Variants in FLI1 observed in about 807,000 individuals in gnomAD.
FLI1 encodes Fli-1 proto-oncogene, ETS transcription factor.
A neutral mutation model predicts 53.1 loss-of-function variants in FLI1; 13 were observed. The ratio of observed to expected loss-of-function variants is 0.24; its 90% CI spans 0.16 to 0.39. The LOEUF is 0.39. Among genes scored for constraint, FLI1 ranks in the 10% least tolerant of loss-of-function variants. The probability of loss-of-function intolerance (pLI) is 1.00; values close to 1 mark genes in which losing one functional copy is unlikely to be tolerated. For synonymous variants in FLI1, 244 were observed against 236.7 expected (o/e 1.03, Z -0.28); for missense variants, 424 against 600.5 (o/e 0.71, Z 3.07).
At chr11:128,715,800 A>G (rs1340987501) in intron 1 of FLI1, among the ~76,000 whole-genome samples, 1 of 152,240 alleles carries the variant, frequency 6.6e-6, no homozygotes, top group Admixed American at 6.5e-5. Context: ...ACGAGTCCTG[A>G]GCATGCTGGG....
At chr11:128,740,908 T>C (rs1377330110) in intron 1 of FLI1, among the ~76,000 whole-genome samples, 1 of 151,846 alleles carries the variant, frequency 6.6e-6, no homozygotes, top group Non-Finnish European at 1.5e-5. Context: ...GGTGGAGAGA[T>C]GAGGAAGGAG....
chr11:128,781,537 GA>G (rs959434029), intron 4 of FLI1, among the ~76,000 whole-genome samples: 8 of 151,890 alleles, frequency 5.3e-5, no homozygotes, highest in East Asian at 1.9e-4. Context: ...TCTAGTTCAA[GA>G]AAAAAAATCA....
chr11:128,698,731 TGTGAGA>T lies in FLI1; in HGVS notation c.18+4457_18+4462del, dbSNP rs58656517. Among the ~76,000 whole-genome samples the T allele has an allele frequency of 3.1e-3, 352 of 112,578 alleles. 2 individuals carry two copies. Among genetic ancestry groups the T allele is most frequent in the African/African-American group, 0.01 (336 of 33,388 alleles). The allele number at this position is 112,578 out of a possible 152,430, so 73.9% of individuals were successfully genotyped here. On this transcript the variant is annotated intron_variant, in intron 1 of 8. Coordinates refer to ENST00000527786, the MANE Select transcript of FLI1 (RefSeq NM_002017.5). Reference sequence around the variant, plus strand: ...GTTTGCGTGTGTGTGTGTGTGTGTGTGTGAGAGAGAGAGAGAGAGAGAGAAGTCTTT... The same window carrying T: ...GTTTGCGTGTGTGTGTGTGTGTGTGTGAGAGAGAGAGAGAGAGAAGTCTTT...
rs545395646 is a variant in FLI1, at chr11:128,709,084, T to C, written c.18+14808T>C. On this transcript the variant is annotated intron_variant, in intron 1 of 8. Coordinates refer to ENST00000527786, the MANE Select transcript of FLI1 (RefSeq NM_002017.5). The stretch of plus-strand genomic sequence containing the variant: ...ACATGCAGTCTGAAGTTTGGAAATC[T>C]AGGTTCAGACCCACTTATTAATTGT... 5.3e-5 allele frequency among the ~76,000 whole-genome samples: 8 copies of C among 152,336 alleles called. No individual in the cohort carries two copies. The South Asian group carries it at 6.2e-4, about 12-fold the overall frequency.
chr11:128,712,825 T>C (rs1938842938), intron 1 of FLI1, among the ~76,000 whole-genome samples: 1 of 152,174 alleles, frequency 6.6e-6, no homozygotes. Context: ...ATCTATATCC[T>C]TGATATCCTG....
chr11:128,778,916 C>A (rs944554838), intron 4 of FLI1, among the ~76,000 whole-genome samples: 1 of 152,308 alleles, frequency 6.6e-6, no homozygotes, highest in Admixed American at 6.5e-5. Flanking sequence ...AAGTAGAAAT[C>A]GGAGAAGAGG....
rs373769672 is a variant in FLI1 at position 128,713,714 on chromosome 11, C to A, written c.18+19438C>A. On this transcript the variant is annotated intron_variant, in intron 1 of 8. Transcript: ENST00000527786. The stretch of plus-strand genomic sequence containing the variant: ...CCTCGGGAGGGCACAACGTGGGGAC[C>A]TAACCTAGTCTCAGAGGTCAAAGGC... Among the ~76,000 whole-genome samples the A allele has an allele frequency of 3.9e-5, 6 of 152,096 alleles. No individual in the cohort carries two copies. In the East Asian group the frequency reaches 5.8e-4, roughly 15 times the overall value.
At chr11:128,708,444 C>T (rs1399910258) in intron 1 of FLI1, among the ~76,000 whole-genome samples, 1 of 152,174 alleles carries the variant, frequency 6.6e-6, no homozygotes, top group Non-Finnish European at 1.5e-5. Context: ...GCCTAGCTCC[C>T]CTGAGAGAGT....
chr11:128,812,243 TGGAGA>T lies in FLI1; in HGVS notation c.*1260_*1264del, dbSNP rs906075232. 10 of 219,590 alleles carry T rather than the reference TGGAGA, an allele frequency of 4.6e-5. No individual in the cohort carries two copies. Among genetic ancestry groups the T allele is most frequent in the Non-Finnish European group, 7.3e-5 (8 of 109,392 alleles). 13.6% of individuals were successfully genotyped at this position (219,590 alleles called of 1,614,324 possible). A position where few individuals can be genotyped will look rare whatever the true frequency, so the allele number is the denominator to read the frequency against. On this transcript the variant is annotated 3_prime_UTR_variant, in exon 9 of 9. Transcript: ENST00000527786. ...GGAAAAACAACGAAACTTTCCCTTG[TGGAGA>T]GGAGGGATTTTCCTGCTCTATATAA...
At chr11:128,700,908 G>T (rs965495657) in intron 1 of FLI1, among the ~76,000 whole-genome samples, 19 of 152,188 alleles carry the variant, frequency 1.2e-4, no homozygotes, top group African/African-American at 4.6e-4. Flanking sequence ...AACATGTATA[G>T]AAAGGAGGAA....
intron 3 of FLI1, among the ~76,000 whole-genome samples, chr11:128,769,744 T>C (rs889152396): frequency 3.3e-5 from 5 of 152,250 alleles, no homozygotes; most frequent in Admixed American, 6.5e-5. Flanking sequence ...CTTCCATTTA[T>C]TGAGTGCTTT....
chr11:128,776,331 G>T (rs1014487218), intron 4 of FLI1, among the ~76,000 whole-genome samples: 1 of 152,104 alleles, frequency 6.6e-6, no homozygotes, highest in African/African-American at 2.4e-5. Context: ...TGATGGCTGG[G>T]GTGGCCACGG....
chr11:128,694,287 G>A lies in FLI1; in HGVS notation c.18+11G>A. 3 of 1,372,186 alleles carry A rather than the reference G, an allele frequency of 2.2e-6. No individual in the cohort carries two copies. The highest frequency in any genetic ancestry group is 2.9e-6 in the Non-Finnish European group (3 of 1,051,968). The allele number at this position is 1,372,186 out of a possible 1,614,324, so 85.0% of individuals were successfully genotyped here. ...GACGGGACTATTAAGGTAAGCGGCG[G>A]GGCAACGGACGCGGGCGGCGGGGAC... On this transcript the variant is annotated intron_variant, in intron 1 of 8. Transcript: ENST00000527786.
chr11:128,801,007 T>C (rs1942621746), intron 5 of FLI1, among the ~76,000 whole-genome samples: 1 of 152,270 alleles, frequency 6.6e-6, no homozygotes, highest in Non-Finnish European at 1.5e-5. Context: ...TGTGATTGTC[T>C]GCTGATTAAG....
intron 1 of FLI1, among the ~76,000 whole-genome samples, chr11:128,750,289 C>T (rs1023869809): frequency 1.3e-5 from 2 of 152,124 alleles, no homozygotes; most frequent in Admixed American, 6.5e-5. Flanking sequence ...AGACAACTGT[C>T]CTTAGGAGAT....
chr11:128,714,276 G>A (rs996962583), intron 1 of FLI1, among the ~76,000 whole-genome samples: 2 of 150,700 alleles, frequency 1.3e-5, no homozygotes, highest in African/African-American at 2.4e-5. Context: ...GGCTGGCGCC[G>A]ACATAAACTG....
chr11:128,758,793 G>T (rs1391041593), intron 2 of FLI1, among the ~76,000 whole-genome samples: 1 of 152,208 alleles, frequency 6.6e-6, no homozygotes. Flanking sequence ...TCCTGTGGGG[G>T]CTCACTGTGT....
intron 1 of FLI1, among the ~76,000 whole-genome samples, chr11:128,746,454 G>A (rs1940393252): frequency 6.6e-6 from 1 of 152,174 alleles, no homozygotes. Context: ...CTTCCCCTGT[G>A]GGAGCCCATC....
intron 4 of FLI1, among the ~76,000 whole-genome samples, chr11:128,778,287 G>A (rs536069833): frequency 9.9e-5 from 15 of 152,224 alleles, no homozygotes; most frequent in South Asian, 6.2e-4. Flanking sequence ...TTATCGTGAC[G>A]TGAATCCACC....
Sources: allele counts gnomAD v4.1 joint callset (sites outside exome capture counted in the v4.1 genomes callset), GRCh38; gene constraint gnomAD v4.1.1; transcripts MANE v1.5; gene names NCBI Gene and HGNC (gene_info 2026-07-23, HGNC 2026-07-21).